SLC38A4: variants seen among roughly 807,000 people sequenced by gnomAD.
SLC38A4 encodes the protein solute carrier family 38 member 4.
SLC38A4 carries 20 observed loss-of-function variants against 63.1 expected under a neutral mutation model. The ratio of observed to expected loss-of-function variants is 0.32; its 90% CI spans 0.22 to 0.46. SLC38A4 has a LOEUF of 0.46. SLC38A4 is among the 20% of genes least tolerant of loss of function. SLC38A4 has a pLI of 1.00. For missense variants in SLC38A4, 526 were observed against 663.6 expected (o/e 0.79, Z 2.28); for synonymous variants, 230 against 225.5 (o/e 1.02, Z -0.18).
intron 7 of SLC38A4, among the ~76,000 whole-genome samples, chr12:46,783,051 T>TGTGTGCGC (rs66497389): frequency 6.4e-5 from 9 of 141,092 alleles, no homozygotes; most frequent in South Asian, 4.7e-4. Flanking sequence ...TGTGTGTGTG[T>TGTGTGCGC]GTGTGTGTTA....
intron 14 of SLC38A4, among the ~76,000 whole-genome samples, chr12:46,770,376 A>G (rs937029073): frequency 6.6e-6 from 1 of 151,966 alleles, no homozygotes; most frequent in African/African-American, 2.4e-5. Flanking sequence ...AGCTCTCCCT[A>G]TCAATAGATT....
Position 46,766,783 on chromosome 12 carries a change from A to C in SLC38A4, c.1562T>G (p.Val521Gly), listed in dbSNP as rs759692804. The C allele has an allele frequency of 6.2e-7, 1 of 1,610,584 alleles. No individual in the cohort carries two copies. Among genetic ancestry groups the C allele is most frequent in the South Asian group, 1.1e-5 (1 of 90,702 alleles). Reference protein sequence around the residue: ...QKVGALIFLVVGIFFMIGSMA... With the variant: ...QKVGALIFLVGGIFFMIGSMA... ...GCTTCCAATCATGAAGAATATTCCA[A>C]CCACAAGGAAAATTAAAGCCTGTAA... The change falls in exon 17 of 17, where the codon GTT (valine) becomes GGT (glycine). Residue 521 changes from valine (V) to glycine (G), a missense_variant. Val to Gly is a moderately radical substitution (Grantham distance 109, BLOSUM62 -3). Coordinates refer to ENST00000266579, the MANE Select transcript of SLC38A4 (RefSeq NM_018018.5).
At chr12:46,768,955 A>G (rs955931857) in intron 15 of SLC38A4, among the ~76,000 whole-genome samples, 2 of 152,078 alleles carry the variant, frequency 1.3e-5, no homozygotes, top group Admixed American at 1.3e-4. Context: ...GGCAGGTAAA[A>G]TCTATCTTCC....
chr12:46,792,881 T>A, intron 3 of SLC38A4, 72 bp downstream of exon 3: 1 of 1,101,292 alleles, frequency 9.1e-7, no homozygotes, highest in Non-Finnish European at 1.4e-6. Context: ...GTTCTTCCCA[T>A]CAAGACCCTG....
At chr12:46,772,271 T>A (rs554235055) in intron 14 of SLC38A4, among the ~76,000 whole-genome samples, 1 of 152,260 alleles carries the variant, frequency 6.6e-6, no homozygotes, top group South Asian at 2.1e-4. Context: ...GCTGCATTTC[T>A]ATGTTGATAT....
At chr12:46,831,217 G>A (rs1405558867) in intron 1 of SLC38A4, among the ~76,000 whole-genome samples, 1 of 152,150 alleles carries the variant, frequency 6.6e-6, no homozygotes, top group Admixed American at 6.5e-5. Context: ...ACCTCACCGC[G>A]CGCTGCCTGG....
chr12:46,777,558 G>A (rs1938554988), intron 12 of SLC38A4, among the ~76,000 whole-genome samples: 2 of 151,972 alleles, frequency 1.3e-5, no homozygotes, highest in Admixed American at 1.3e-4. Flanking sequence ...TTTTTATGAG[G>A]TAAATCAGAA....
Position 46,765,405 on chromosome 12 carries a change from T to C in SLC38A4, c.*1296A>G, listed in dbSNP as rs766713215. ...CAGCAAACACCTGTGTGAGCTAAAC[T>C]GAACTAAATCCTATTTTAGATATGC... is the stretch of plus-strand genomic sequence containing the variant. On this transcript the variant is annotated 3_prime_UTR_variant, in exon 17 of 17. Coordinates refer to ENST00000266579, the MANE Select transcript of SLC38A4 (RefSeq NM_018018.5). The C allele has an allele frequency of 2.1e-5, 7 of 325,996 alleles. No individual in the cohort carries two copies. The highest frequency in any genetic ancestry group is 6.9e-5 in the African/African-American group (3 of 43,192). 20.2% of individuals were successfully genotyped at this position (325,996 alleles called of 1,614,324 possible).
chr12:46,818,600 C>T (rs1263886666), intron 1 of SLC38A4, among the ~76,000 whole-genome samples: 1 of 151,618 alleles, frequency 6.6e-6, no homozygotes, highest in East Asian at 1.9e-4. Flanking sequence ...ATATAAGGAA[C>T]CCTCAGCTGG....
intron 10 of SLC38A4, among the ~76,000 whole-genome samples, chr12:46,779,236 G>A (rs548058973): frequency 4.5e-4 from 68 of 152,056 alleles, no homozygotes; most frequent in African/African-American, 1.6e-3. Context: ...CTCTCTTAAT[G>A]GGTGGAATGT....
upstream of SLC38A4, among the ~76,000 whole-genome samples, chr12:46,829,223 A>C (rs984611869): frequency 2.0e-5 from 3 of 152,166 alleles, no homozygotes; most frequent in African/African-American, 7.2e-5. Context: ...CTGGCTCTTA[A>C]AGCACCTTTC....
chr12:46,824,099 C>T (rs1013214811), intron 1 of SLC38A4, among the ~76,000 whole-genome samples: 1 of 152,158 alleles, frequency 6.6e-6, no homozygotes, highest in South Asian at 2.1e-4. Context: ...TAGCTACTCA[C>T]TGTCATTTCC....
At chr12:46,811,261 G>A (rs369271525) in intron 1 of SLC38A4, among the ~76,000 whole-genome samples, 2 of 151,972 alleles carry the variant, frequency 1.3e-5, no homozygotes, top group East Asian at 1.9e-4. Context: ...AGGTCATGAT[G>A]ATGTAACAGG....
chr12:46,775,874 T>C (rs537048636), intron 13 of SLC38A4, among the ~76,000 whole-genome samples: 1 of 152,104 alleles, frequency 6.6e-6, no homozygotes, highest in African/African-American at 2.4e-5. Context: ...GAATCAAGCG[T>C]AGTTGGATTT....
At chr12:46,800,002 A>T (rs1045050152) in intron 2 of SLC38A4, among the ~76,000 whole-genome samples, 1 of 152,184 alleles carries the variant, frequency 6.6e-6, no homozygotes, top group Non-Finnish European at 1.5e-5. Flanking sequence ...TAATCAAAGA[A>T]TTATTGCATG....
chr12:46,780,061 G>T, intron 7 of SLC38A4, 31 bp from the exon 8 acceptor site: 1 of 1,531,032 alleles, frequency 6.5e-7, no homozygotes, highest in Non-Finnish European at 9.0e-7. Context: ...GCTTAATGGT[G>T]TGGACAGTAC....
intron 15 of SLC38A4, 96 bp downstream of exon 15, chr12:46,769,188 G>T: frequency 7.4e-7 from 1 of 1,355,968 alleles, no homozygotes. Context: ...GCCTGAGAAA[G>T]AACGGGGATC....
Position 46,765,966 on chromosome 12 carries a change from T to A in SLC38A4, c.*735A>T, listed in dbSNP as rs979576007. 1.9e-5 allele frequency: 3 copies of A among 157,686 alleles called. No individual in the cohort carries two copies. Among genetic ancestry groups the A allele is most frequent in the Admixed American group, 6.2e-5 (1 of 16,230 alleles). 9.8% of individuals were successfully genotyped at this position (157,686 alleles called of 1,614,324 possible). ...CAGATGCTTTCTAGAACAGGCAGTTTAGCTATAAGCATTATTTTTGTTGTT... is the reference window on the plus strand; with the variant it reads ...CAGATGCTTTCTAGAACAGGCAGTTAAGCTATAAGCATTATTTTTGTTGTT... On this transcript the variant is annotated 3_prime_UTR_variant, in exon 17 of 17. Coordinates refer to ENST00000266579, the MANE Select transcript of SLC38A4 (RefSeq NM_018018.5).
chr12:46,831,100 T>C (rs1939725446), intron 1 of SLC38A4, among the ~76,000 whole-genome samples: 3 of 152,182 alleles, frequency 2.0e-5, no homozygotes, highest in Admixed American at 6.5e-5. Flanking sequence ...CATCTCTGCC[T>C]GCTGGATCAC....
Sources: allele counts gnomAD v4.1 joint callset (sites outside exome capture counted in the v4.1 genomes callset), GRCh38; gene constraint gnomAD v4.1.1; transcripts MANE v1.5; gene names NCBI Gene and HGNC (gene_info 2026-07-23, HGNC 2026-07-21).